The following ZBBX variants were observed in gnomAD, a reference collection of about 807,000 sequenced individuals.
ZBBX encodes zinc finger B-box domain-containing protein 1.
In ZBBX, 101 loss-of-function variants were observed where a neutral mutation model predicts 108.5. The observed-to-expected ratio is 0.93, with a 90% CI of 0.79 to 1.10. The LOEUF is 1.10. Ranked by LOEUF, ZBBX falls within the 50% of genes least tolerant of loss-of-function variation. ZBBX has a pLI of 0.00. For synonymous variants in ZBBX, 356 were observed against 323.4 expected (o/e 1.10, Z -1.08); for missense variants, 1,009 against 941.4 (o/e 1.07, Z -0.94).
intron 11 of ZBBX, among the ~76,000 whole-genome samples, chr3:167,327,640 G>A (rs1737629458): frequency 6.6e-6 from 1 of 152,040 alleles, no homozygotes; most frequent in Admixed American, 6.6e-5. Context: ...ATACGGGCTG[G>A]GCACAGTGGC....
At chr3:167,403,667 T>C (rs1274184127) in intron 1 of ZBBX, among the ~76,000 whole-genome samples, 46 of 152,044 alleles carry the variant, frequency 3.0e-4, no homozygotes, top group Admixed American at 2.9e-3. Context: ...ATAAATAGAA[T>C]TATAATTTGA....
At chr3:167,306,218 T>C (rs1241838153) in intron 16 of ZBBX, among the ~76,000 whole-genome samples, 1 of 152,188 alleles carries the variant, frequency 6.6e-6, no homozygotes, top group East Asian at 1.9e-4. Flanking sequence ...TTAAAATTGA[T>C]GCAAATTTTT....
At chr3:167,295,758 TAA>T (rs60203051) in intron 18 of ZBBX, among the ~76,000 whole-genome samples, 2,375 of 8,974 alleles carry the variant, frequency 0.26, 441 homozygotes, top group Middle Eastern at 0.5. Context: ...TATATATATA[TAA>T]AAAAAACTAG....
upstream of ZBBX, among the ~76,000 whole-genome samples, chr3:167,383,586 C>T (rs1747813582): frequency 6.6e-6 from 1 of 151,992 alleles, no homozygotes; most frequent in African/African-American, 2.4e-5. Flanking sequence ...TCATCCATGA[C>T]ACAGAATTTC....
At chr3:167,259,915 G>A (rs903324995) in intron 20 of ZBBX, among the ~76,000 whole-genome samples, 1 of 151,858 alleles carries the variant, frequency 6.6e-6, no homozygotes. Context: ...TTGTATTTTT[G>A]TTTTATAAGT....
chr3:167,316,998 C>A lies in ZBBX; in HGVS notation c.1194+7G>T. On this transcript the variant is annotated splice_region_variant and intron_variant, in intron 14 of 21. Transcript: ENST00000675490. ...CATGAATGGTCATTATGCACTTATG[C>A]ACTTACATCATCCAGTTCGACTATC... is the stretch of plus-strand genomic sequence containing the variant. 1.3e-6 allele frequency: 2 copies of A among 1,539,814 alleles called. No homozygotes were observed. The highest frequency in any genetic ancestry group is 2.3e-5 in the East Asian group (1 of 44,152).
chr3:167,278,554 A>G (rs1728137022), intron 20 of ZBBX, among the ~76,000 whole-genome samples: 1 of 146,892 alleles, frequency 6.8e-6, no homozygotes, highest in African/African-American at 2.6e-5. Flanking sequence ...AACCAGGAAG[A>G]AGTTGAATCT....
At chr3:167,384,289 G>GA, upstream of ZBBX, among the ~76,000 whole-genome samples, 1 of 152,200 alleles carries the variant, frequency 6.6e-6, no homozygotes, top group East Asian at 1.9e-4. Flanking sequence ...GAGGCCAAGT[G>GA]AAACAGTTTC....
chr3:167,364,375 T>C (rs1347213124), intron 6 of ZBBX, among the ~76,000 whole-genome samples: 1 of 152,020 alleles, frequency 6.6e-6, no homozygotes, highest in Non-Finnish European at 1.5e-5. Context: ...ATTGACTTCA[T>C]ATTTTCCAAA....
At chr3:167,246,969 T>C (rs58874670) in intron 20 of ZBBX, among the ~76,000 whole-genome samples, 2,993 of 152,244 alleles carry the variant, frequency 0.02, 67 homozygotes, top group East Asian at 0.069. Context: ...ACCAAGAACA[T>C]CTTACTGTAT....
chr3:167,180,819 A>G, the ZBBX span, among the ~76,000 whole-genome samples: 4 of 152,194 alleles, frequency 2.6e-5, no homozygotes, highest in South Asian at 2.1e-4. Flanking sequence ...TTAAAGGCCA[A>G]TTTTTTGGAA....
At position 167,360,353 on chromosome 3, in the gene ZBBX, A is replaced by C. The variant is rs1187330273; in HGVS notation, c.322+322T>G. On this transcript the variant is annotated intron_variant, in intron 7 of 21. Coordinates refer to ENST00000675490, the MANE Select transcript of ZBBX (RefSeq NM_001199201.2). Reference sequence around the variant, plus strand: ...TATTTTTAAAAATTTTCTAGAGTGAAATTTTAATTTATAATTTACACTGCT... The same window carrying C: ...TATTTTTAAAAATTTTCTAGAGTGACATTTTAATTTATAATTTACACTGCT... Among the ~76,000 whole-genome samples, 3 of 151,504 alleles carry C rather than the reference A, an allele frequency of 2.0e-5. No individual in the cohort carries two copies. The East Asian group carries it at 5.8e-4, about 29-fold the overall frequency.
At chr3:167,388,682 T>C (rs540947824) in intron 1 of ZBBX, among the ~76,000 whole-genome samples, 4 of 152,054 alleles carry the variant, frequency 2.6e-5, no homozygotes, top group Non-Finnish European at 5.9e-5. Context: ...GTCCAGAGGG[T>C]AAAAGGTACC....
the ZBBX span, among the ~76,000 whole-genome samples, chr3:167,233,717 G>C: frequency 1.3e-5 from 2 of 150,338 alleles, no homozygotes; most frequent in Non-Finnish European, 2.9e-5. Flanking sequence ...TAGAAATATA[G>C]ACAGCTATCT....
downstream of ZBBX, among the ~76,000 whole-genome samples, chr3:167,235,567 C>A (rs1720202262): frequency 6.6e-6 from 1 of 151,334 alleles, no homozygotes; most frequent in Non-Finnish European, 1.5e-5. Context: ...AAGCAATACA[C>A]ATATTGATTC....
chr3:167,378,998 G>A (rs940361208), intron 2 of ZBBX, among the ~76,000 whole-genome samples: 6 of 152,088 alleles, frequency 3.9e-5, no homozygotes. Flanking sequence ...TCCTACCATT[G>A]ACCTTTGAAA....
At chr3:167,203,511 T>C in the ZBBX span, among the ~76,000 whole-genome samples, 606 of 152,216 alleles carry the variant, frequency 4.0e-3, 2 homozygotes, top group African/African-American at 0.014. Flanking sequence ...TGAAAGGATA[T>C]ATACAGAAAA....
intron 1 of ZBBX, among the ~76,000 whole-genome samples, chr3:167,395,905 T>G (rs914812691): frequency 6.6e-6 from 1 of 152,032 alleles, no homozygotes; most frequent in Non-Finnish European, 1.5e-5. Context: ...ATGACATATA[T>G]GGAACCTTCT....
chr3:167,182,994 T>G, the ZBBX span, among the ~76,000 whole-genome samples: 1 of 152,236 alleles, frequency 6.6e-6, no homozygotes, highest in African/African-American at 2.4e-5. Context: ...GAGTGGTCGC[T>G]CTAGGCGCTG....
Sources: allele counts gnomAD v4.1 joint callset (sites outside exome capture counted in the v4.1 genomes callset), GRCh38; gene constraint gnomAD v4.1.1; transcripts MANE v1.5; gene names NCBI Gene and HGNC (gene_info 2026-07-23, HGNC 2026-07-21).